Variants in TPTE observed in about 807,000 individuals in gnomAD.
The protein encoded by TPTE is transmembrane phosphatase with tensin homology, also known as putative tyrosine-protein phosphatase TPTE.
TPTE carries 59 observed loss-of-function variants against 84.1 expected under a neutral mutation model. That is an observed-to-expected ratio of 0.70 (90% CI 0.57 to 0.87). The LOEUF is 0.87. TPTE is among the 40% of genes least tolerant of loss of function. The pLI, the probability that TPTE is intolerant of heterozygous loss-of-function variation, is 0.00. For missense variants in TPTE, 382 were observed against 659.6 expected (o/e 0.58, Z 4.61); for synonymous variants, 130 against 223.5 (o/e 0.58, Z 3.73).
At chr21:10,599,672 T>A (rs1048608479) in intron 21 of TPTE, among the ~76,000 whole-genome samples, 1 of 152,310 alleles carries the variant, frequency 6.6e-6, no homozygotes, top group African/African-American at 2.4e-5. Context: ...TCCTTGGCTC[T>A]TGAGCTCTGA....
At chr21:10,540,222 T>C (rs1001571172) in intron 4 of TPTE, among the ~76,000 whole-genome samples, 1 of 152,304 alleles carries the variant, frequency 6.6e-6, no homozygotes, top group Non-Finnish European at 1.5e-5. Flanking sequence ...CAGTTATACA[T>C]GTGTCTATGC....
At chr21:10,595,626 C>A (rs1252985730) in intron 19 of TPTE, among the ~76,000 whole-genome samples, 116 of 152,042 alleles carry the variant, frequency 7.6e-4, no homozygotes, top group African/African-American at 2.7e-3. Flanking sequence ...CTGCTCATCA[C>A]CAAACCACAA....
intron 21 of TPTE, 83 bp from the exon 22 acceptor site, chr21:10,601,975 A>G (rs1360087620): frequency 7.6e-6 from 11 of 1,446,556 alleles, no homozygotes; most frequent in Non-Finnish European, 1.1e-5. Context: ...TGATAAATAC[A>G]GGAAGTCATG....
intron 10 of TPTE, among the ~76,000 whole-genome samples, chr21:10,567,107 TA>T (rs574386155): frequency 0.02 from 2,537 of 123,824 alleles, no homozygotes; most frequent in East Asian, 0.15. Flanking sequence ...TATGGGGCTC[TA>T]AAAAAAAAAA....
intron 3 of TPTE, among the ~76,000 whole-genome samples, chr21:10,531,667 C>A (rs1280967895): frequency 6.6e-6 from 1 of 152,310 alleles, no homozygotes; most frequent in Non-Finnish European, 1.5e-5. Flanking sequence ...CCGTCATCTG[C>A]CTGTTAGCTT....
intron 3 of TPTE, among the ~76,000 whole-genome samples, chr21:10,529,120 G>A (rs2145581548): frequency 6.6e-6 from 1 of 152,068 alleles, no homozygotes; most frequent in East Asian, 1.9e-4. Context: ...GGAAGCAGAA[G>A]TTGCAGTGAG....
chr21:10,534,651 T>A (rs1802218693), intron 3 of TPTE, among the ~76,000 whole-genome samples: 1 of 152,310 alleles, frequency 6.6e-6, no homozygotes, highest in South Asian at 2.1e-4. Flanking sequence ...TAGCCTATAA[T>A]GGAGCCATCA....
At chr21:10,539,468 A>G (rs555820444) in intron 4 of TPTE, among the ~76,000 whole-genome samples, 23 of 152,294 alleles carry the variant, frequency 1.5e-4, no homozygotes, top group African/African-American at 5.5e-4. Flanking sequence ...TGGGCCATAG[A>G]TGGGATTAGG....
intron 3 of TPTE, among the ~76,000 whole-genome samples, chr21:10,537,536 G>A (rs1227893109): frequency 6.6e-6 from 1 of 152,296 alleles, no homozygotes; most frequent in African/African-American, 2.4e-5. Context: ...AAATTAGCCG[G>A]GTGTGGTGGC....
In TPTE at chr21:10,605,702, T is replaced by C. The variant is rs560045363; in HGVS notation, c.*150T>C. On this transcript the variant is annotated 3_prime_UTR_variant, in exon 24 of 24. Coordinates refer to ENST00000618007, the MANE Select transcript of TPTE (RefSeq NM_199261.4). Reference sequence around the variant, plus strand: ...ATATGTTCTTCATAAATCTATTACATATATATAGATAAAATGTCAGTGTCT... The same window carrying C: ...ATATGTTCTTCATAAATCTATTACACATATATAGATAAAATGTCAGTGTCT... 4,581 of 1,329,526 alleles carry C rather than the reference T, an allele frequency of 3.4e-3. No homozygotes were observed. Among genetic ancestry groups the C allele is most frequent in the Non-Finnish European group, 3.8e-3 (3,814 of 1,002,464 alleles). 82.4% of individuals were successfully genotyped at this position (1,329,526 alleles called of 1,614,324 possible). A position where few individuals can be genotyped will look rare whatever the true frequency, so the allele number is the denominator to read the frequency against.
chr21:10,536,049 A>G (rs469965), intron 3 of TPTE, among the ~76,000 whole-genome samples: 31,135 of 143,698 alleles, frequency 0.22, 66 homozygotes, highest in African/African-American at 0.47. Context: ...AGGCCAAGAC[A>G]GCTAGATCAC....
intron 14 of TPTE, among the ~76,000 whole-genome samples, chr21:10,573,016 A>T (rs536787079): frequency 6.6e-6 from 1 of 152,426 alleles, no homozygotes; most frequent in South Asian, 2.1e-4. Flanking sequence ...ATGTAAACAG[A>T]TCAAATTCCC....
At chr21:10,563,782 G>T (rs1243660949) in intron 10 of TPTE, among the ~76,000 whole-genome samples, 2 of 152,310 alleles carry the variant, frequency 1.3e-5, no homozygotes, top group Middle Eastern at 3.2e-3. Context: ...GCAGGAGTAA[G>T]TCCTTACTTA....
intron 3 of TPTE, among the ~76,000 whole-genome samples, chr21:10,533,362 G>T (rs1268020441): frequency 6.2e-4 from 95 of 152,392 alleles, no homozygotes; most frequent in Non-Finnish European, 1.2e-3. Context: ...TTATCCTTAA[G>T]AATATTTGTC....
chr21:10,547,239 C>G (rs2074485418), intron 7 of TPTE, among the ~76,000 whole-genome samples: 1 of 151,872 alleles, frequency 6.6e-6, no homozygotes, highest in Non-Finnish European at 1.5e-5. Context: ...AGAACCGAGG[C>G]AAGAAATACA....
intron 8 of TPTE, among the ~76,000 whole-genome samples, chr21:10,557,178 A>G (rs1280856944): frequency 6.6e-6 from 1 of 152,310 alleles, no homozygotes; most frequent in African/African-American, 2.4e-5. Context: ...GGAAAGGTAC[A>G]TGGAGGCTAT....
chr21:10,588,941 T>G (rs2075414962), intron 17 of TPTE, among the ~76,000 whole-genome samples: 1 of 152,306 alleles, frequency 6.6e-6, no homozygotes, highest in African/African-American at 2.4e-5. Flanking sequence ...GATTTCAACC[T>G]TGAATCTCAT....
intron 8 of TPTE, among the ~76,000 whole-genome samples, chr21:10,556,451 A>G (rs1238670926): frequency 6.6e-6 from 1 of 152,310 alleles, no homozygotes; most frequent in East Asian, 1.9e-4. Flanking sequence ...ATTGTTGGAC[A>G]TTTGGGTTGG....
At chr21:10,571,811 A>G (rs1413878309) in intron 14 of TPTE, among the ~76,000 whole-genome samples, 1 of 152,306 alleles carries the variant, frequency 6.6e-6, no homozygotes, top group Non-Finnish European at 1.5e-5. Context: ...GTTCAAGACA[A>G]GCCTGATTAA....
Sources: gnomAD v4.1 joint callset for allele counts (sites outside exome capture counted in the v4.1 genomes callset) on GRCh38, gnomAD v4.1.1 for gene constraint, MANE v1.5 for transcripts, NCBI Gene and HGNC (gene_info 2026-07-23, HGNC 2026-07-21) for gene names.